Variants in CAMKMT observed in about 807,000 individuals in gnomAD.
CAMKMT encodes the protein calmodulin-lysine N-methyltransferase, also known as CaM KMT.
CAMKMT carries 53 observed loss-of-function variants against 48.0 expected under a neutral mutation model. The ratio of observed to expected loss-of-function variants is 1.10; its 90% CI spans 0.89 to 1.39. CAMKMT has a LOEUF of 1.39. Ranked by LOEUF, CAMKMT falls within the 40% of genes most tolerant of loss-of-function variation. The probability of loss-of-function intolerance (pLI) is 0.00; values close to 1 mark genes in which losing one functional copy is unlikely to be tolerated. For missense variants in CAMKMT, 428 were observed against 402.7 expected, an observed-to-expected ratio of 1.06 and a Z score of -0.54; for synonymous variants, 165 against 152.3, an observed-to-expected ratio of 1.08 and a Z score of -0.61.
At chr2:44,402,740 G>GTTTTTTTTTTTTTTTTT in intron 3 of CAMKMT, among the ~76,000 whole-genome samples, 22 of 94,100 alleles carry the variant, frequency 2.3e-4, no homozygotes, top group East Asian at 1.2e-3. Context: ...TTGTTTTGCT[G>GTTTTTTTTTTTTTTTTT]TTTTTTTTTT....
At chr2:44,425,781 A>G (rs1684238050) in intron 3 of CAMKMT, among the ~76,000 whole-genome samples, 1 of 149,684 alleles carries the variant, frequency 6.7e-6, no homozygotes, top group Non-Finnish European at 1.5e-5. Flanking sequence ...CCCAGGCTGG[A>G]GTGCAATAGC....
intron 1 of CAMKMT, among the ~76,000 whole-genome samples, chr2:44,365,452 A>G (rs1238038387): frequency 6.6e-6 from 1 of 152,226 alleles, no homozygotes; most frequent in East Asian, 1.9e-4. Context: ...TGATGAATCA[A>G]TATCAGTAGA....
intron 3 of CAMKMT, among the ~76,000 whole-genome samples, chr2:44,673,700 A>C (rs1306162277): frequency 1.3e-5 from 2 of 152,298 alleles, no homozygotes; most frequent in African/African-American, 4.8e-5. Context: ...AGCCAAGCAA[A>C]ATAAGCGTTA....
intron 3 of CAMKMT, among the ~76,000 whole-genome samples, chr2:44,693,015 C>T (rs893506250): frequency 5.3e-5 from 8 of 152,152 alleles, no homozygotes; most frequent in South Asian, 2.1e-4. Flanking sequence ...CTTCCCTCTC[C>T]GTTACCACCC....
chr2:44,371,594 A>G (rs1417868701), intron 1 of CAMKMT, among the ~76,000 whole-genome samples: 1 of 152,220 alleles, frequency 6.6e-6, no homozygotes, highest in Non-Finnish European at 1.5e-5. Flanking sequence ...AAACATATAT[A>G]AAGCTAGAGA....
intron 3 of CAMKMT, among the ~76,000 whole-genome samples, chr2:44,584,070 G>C (rs1002912000): frequency 6.6e-6 from 1 of 152,064 alleles, no homozygotes; most frequent in Non-Finnish European, 1.5e-5. Flanking sequence ...ATTTTCCCCA[G>C]GCTCCTGGAT....
At chr2:44,373,752 A>G (rs1163450197) in intron 2 of CAMKMT, among the ~76,000 whole-genome samples, 2 of 152,190 alleles carry the variant, frequency 1.3e-5, no homozygotes, top group African/African-American at 2.4e-5. Context: ...CATAATAGCT[A>G]AAAATTGGGA....
chr2:44,451,306 T>C (rs954152712), intron 3 of CAMKMT, among the ~76,000 whole-genome samples: 8 of 152,074 alleles, frequency 5.3e-5, no homozygotes, highest in Admixed American at 2.0e-4. Flanking sequence ...AGACAAAGTG[T>C]TGAATAGTTT....
At chr2:44,384,500 CTTTTTTT>C (rs141017634) in intron 2 of CAMKMT, among the ~76,000 whole-genome samples, 5 of 95,858 alleles carry the variant, frequency 5.2e-5, no homozygotes, top group East Asian at 3.4e-4. Context: ...AGCTATTTAT[CTTTTTTT>C]TTTTTTTTTT....
At chr2:44,381,099 G>T (rs1572691703) in intron 2 of CAMKMT, among the ~76,000 whole-genome samples, 1 of 152,174 alleles carries the variant, frequency 6.6e-6, no homozygotes, top group Non-Finnish European at 1.5e-5. Flanking sequence ...GACAGAGGTT[G>T]CAGTGAGCTA....
chr2:44,720,892 A>C (rs1366939329), intron 7 of CAMKMT, among the ~76,000 whole-genome samples: 1 of 152,056 alleles, frequency 6.6e-6, no homozygotes, highest in African/African-American at 2.4e-5. Context: ...TAGCATTTTT[A>C]TTTCTCTTAA....
intron 7 of CAMKMT, among the ~76,000 whole-genome samples, chr2:44,737,824 G>A (rs1679440334): frequency 6.7e-6 from 1 of 150,198 alleles, no homozygotes; most frequent in Non-Finnish European, 1.5e-5. Flanking sequence ...GAACTCTGAA[G>A]TTTCTTAGAC....
At position 44,638,498 on chromosome 2, in the gene CAMKMT, C is replaced by G. The variant is rs888220840; in HGVS notation, c.377-65785C>G. Among the ~76,000 whole-genome samples, 9 of 152,332 alleles carry G rather than the reference C, an allele frequency of 5.9e-5. No homozygotes were observed. In the South Asian group the frequency reaches 1.9e-3, roughly 32 times the overall value. On this transcript the variant is annotated intron_variant, in intron 3 of 10. Coordinates refer to ENST00000378494, the MANE Select transcript of CAMKMT (RefSeq NM_024766.5). ...CTGCCATCTGCTTTACGTGAAAACT[C>G]TTCTAGTGAGAACCCAAGGCAAAAA...
At chr2:44,601,335 A>G (rs1366192876) in intron 3 of CAMKMT, among the ~76,000 whole-genome samples, 2 of 152,072 alleles carry the variant, frequency 1.3e-5, no homozygotes, top group Non-Finnish European at 2.9e-5. Flanking sequence ...ACATGCCTCT[A>G]ATTCCAGCTA....
chr2:44,572,730 C>T (rs374947424), intron 3 of CAMKMT, among the ~76,000 whole-genome samples: 12 of 144,302 alleles, frequency 8.3e-5, no homozygotes, highest in East Asian at 4.1e-4. Context: ...TTATGAGTAA[C>T]GCTGCTATGG....
intron 3 of CAMKMT, among the ~76,000 whole-genome samples, chr2:44,667,644 A>G (rs1404404811): frequency 2.6e-5 from 4 of 151,996 alleles, no homozygotes; most frequent in Non-Finnish European, 5.9e-5. Context: ...CTTTCCCTGC[A>G]CACCCTCTTA....
intron 3 of CAMKMT, among the ~76,000 whole-genome samples, chr2:44,470,793 T>G (rs1429330891): frequency 1.3e-5 from 2 of 152,204 alleles, no homozygotes; most frequent in East Asian, 3.8e-4. Context: ...CTTATTTACA[T>G]TTATTGATTA....
intron 2 of CAMKMT, among the ~76,000 whole-genome samples, chr2:44,376,992 T>C (rs1679762369): frequency 6.6e-6 from 1 of 152,078 alleles, no homozygotes; most frequent in Non-Finnish European, 1.5e-5. Context: ...CAAACTATTC[T>C]TGCCTTTCTG....
intron 3 of CAMKMT, among the ~76,000 whole-genome samples, chr2:44,517,660 G>A (rs1443945589): frequency 6.6e-6 from 1 of 152,136 alleles, no homozygotes; most frequent in East Asian, 1.9e-4. Context: ...GAAAACGGCA[G>A]TATCCTCAAG....
Sources: allele counts gnomAD v4.1 joint callset (sites outside exome capture counted in the v4.1 genomes callset), GRCh38; gene constraint gnomAD v4.1.1; transcripts MANE v1.5; gene names NCBI Gene and HGNC (gene_info 2026-07-23, HGNC 2026-07-21).